Variants in LRFN5 observed in about 807,000 individuals in gnomAD.
LRFN5 encodes the protein leucine rich repeat and fibronectin type III domain containing 5.
LRFN5 carries 24 observed loss-of-function variants against 45.6 expected under a neutral mutation model. The observed-to-expected ratio is 0.53, with a 90% confidence interval of 0.38 to 0.74. LRFN5 has a LOEUF of 0.74. Ranked by LOEUF, LRFN5 falls within the 30% of genes least tolerant of loss-of-function variation. LRFN5 has a pLI of 0.00. For synonymous variants in LRFN5, 340 were observed against 313.8 expected (o/e 1.08, Z -0.88); for missense variants, 776 against 861.5 (o/e 0.90, Z 1.24).
At chr14:41,814,388 T>G (rs990173619) in intron 2 of LRFN5, among the ~76,000 whole-genome samples, 3 of 152,144 alleles carry the variant, frequency 2.0e-5, no homozygotes, top group Middle Eastern at 3.2e-3. Flanking sequence ...AAATACTAAT[T>G]GAACAATAGG....
chr14:41,623,635 A>G lies in LRFN5; in HGVS notation c.-197+15073A>G, dbSNP rs907119781. 3.2e-4 allele frequency among the ~76,000 whole-genome samples: 49 copies of G among 152,120 alleles called. 1 individual carries two copies. Among genetic ancestry groups the G allele is most frequent in the African/African-American group, 7.2e-5 (3 of 41,446 alleles). ...AATATAAACTTTCGGTGACTTTGCTATAAAGCTGTGTGAGAACATTAAAAA... is the reference window on the plus strand; with the variant it reads ...AATATAAACTTTCGGTGACTTTGCTGTAAAGCTGTGTGAGAACATTAAAAA... On this transcript the variant is annotated intron_variant, in intron 1 of 5. Transcript: ENST00000298119.
chr14:41,772,359 G>T (rs905599410), intron 2 of LRFN5, among the ~76,000 whole-genome samples: 1 of 152,020 alleles, frequency 6.6e-6, no homozygotes, highest in Non-Finnish European at 1.5e-5. Context: ...ATATCCTTAG[G>T]TATATACTTC....
intron 1 of LRFN5, among the ~76,000 whole-genome samples, chr14:41,632,806 T>C (rs1000273920): frequency 6.6e-6 from 1 of 152,186 alleles, no homozygotes; most frequent in Non-Finnish European, 1.5e-5. Flanking sequence ...GATTTTTATG[T>C]TTATCTGCAT....
intron 1 of LRFN5, among the ~76,000 whole-genome samples, chr14:41,651,584 T>C (rs1252599552): frequency 2.0e-5 from 3 of 152,192 alleles, no homozygotes; most frequent in Non-Finnish European, 4.4e-5. Flanking sequence ...TGGAAAATGC[T>C]GCTAGAATAA....
chr14:41,612,002 T>C lies in LRFN5; in HGVS notation c.-197+3440T>C, dbSNP rs1272209460. On this transcript the variant is annotated intron_variant, in intron 1 of 5. Coordinates refer to ENST00000298119, the MANE Select transcript of LRFN5 (RefSeq NM_152447.5). ...GTGTTTAAATGATCTTCATATGTTATATCATGTTTTATCACTCTTTCATCT... is the reference window on the plus strand; with the variant it reads ...GTGTTTAAATGATCTTCATATGTTACATCATGTTTTATCACTCTTTCATCT... Among the ~76,000 whole-genome samples, 4 of 152,190 alleles carry C rather than the reference T, an allele frequency of 2.6e-5. No homozygotes were observed. In the East Asian group the frequency reaches 7.7e-4, roughly 29 times the overall value.
At chr14:41,688,087 T>G (rs2138698837) in intron 1 of LRFN5, among the ~76,000 whole-genome samples, 2 of 152,344 alleles carry the variant, frequency 1.3e-5, no homozygotes, top group South Asian at 4.1e-4. Context: ...TTTACATTTC[T>G]TCACTTATTT....
intron 5 of LRFN5, 125 bp from the exon 6 acceptor site, chr14:41,904,033 A>C (rs1435445563): frequency 5.5e-6 from 4 of 724,636 alleles, no homozygotes; most frequent in Admixed American, 2.7e-5. Context: ...ATGGCAAGCA[A>C]CTCCTCCTTG....
At chr14:41,850,847 C>G (rs1427845493) in intron 2 of LRFN5, among the ~76,000 whole-genome samples, 1 of 151,514 alleles carries the variant, frequency 6.6e-6, no homozygotes, top group Non-Finnish European at 1.5e-5. Flanking sequence ...CTTAGCAAAA[C>G]AATTTATAAC....
intron 1 of LRFN5, among the ~76,000 whole-genome samples, chr14:41,645,761 A>G (rs930456732): frequency 7.9e-5 from 12 of 152,098 alleles, no homozygotes; most frequent in Admixed American, 3.3e-4. Flanking sequence ...ATTGATTGCA[A>G]TATTTCTTGT....
chr14:41,749,319 GC>G (rs1385660356), intron 1 of LRFN5, among the ~76,000 whole-genome samples: 1 of 152,136 alleles, frequency 6.6e-6, no homozygotes, highest in Non-Finnish European at 1.5e-5. Context: ...ATTAATGCAT[GC>G]CAGAGGTAGT....
chr14:41,762,814 A>G (rs1412026183), intron 1 of LRFN5, among the ~76,000 whole-genome samples: 1 of 152,120 alleles, frequency 6.6e-6, no homozygotes, highest in African/African-American at 2.4e-5. Context: ...TTATTTATAT[A>G]TTTCAAAACA....
intron 2 of LRFN5, among the ~76,000 whole-genome samples, chr14:41,789,034 T>G (rs1056406507): frequency 6.6e-6 from 1 of 152,044 alleles, no homozygotes; most frequent in African/African-American, 2.4e-5. Flanking sequence ...TAAACTCATT[T>G]ATTGAGTTTA....
chr14:41,736,879 G>A (rs1884460025), intron 1 of LRFN5, among the ~76,000 whole-genome samples: 1 of 151,968 alleles, frequency 6.6e-6, no homozygotes, highest in Non-Finnish European at 1.5e-5. Context: ...ATCCAAAAAA[G>A]CCCAGGACCA....
chr14:41,683,453 G>T (rs1406353957), intron 1 of LRFN5, among the ~76,000 whole-genome samples: 1 of 152,076 alleles, frequency 6.6e-6, no homozygotes, highest in African/African-American at 2.4e-5. Context: ...ACATAGTATG[G>T]GGTGTCCTAT....
At chr14:41,641,412 T>TGGAA (rs1879571355) in intron 1 of LRFN5, among the ~76,000 whole-genome samples, 1 of 152,106 alleles carries the variant, frequency 6.6e-6, no homozygotes, top group Admixed American at 6.6e-5. Flanking sequence ...GCTGGTTGGA[T>TGGAA]GGGAAGACTA....
chr14:41,689,938 T>C (rs982086070), intron 1 of LRFN5, among the ~76,000 whole-genome samples: 2 of 146,480 alleles, frequency 1.4e-5, no homozygotes, highest in African/African-American at 2.5e-5. Context: ...CAAAAAGGGC[T>C]AGGTCCCTAA....
chr14:41,697,102 A>T (rs1355943785), intron 1 of LRFN5, among the ~76,000 whole-genome samples: 3 of 151,940 alleles, frequency 2.0e-5, no homozygotes, highest in Non-Finnish European at 4.4e-5. Flanking sequence ...AAACTTGTTA[A>T]GTATTATTTT....
rs577306764 is a variant in LRFN5, at chr14:41,678,246, A to G, written c.-197+69684A>G. On this transcript the variant is annotated intron_variant, in intron 1 of 5. Transcript: ENST00000298119. ...CACTCTACCTGGAAGATACATGCAT[A>G]CATACATACATACATACATATACAT... Among the ~76,000 whole-genome samples the G allele has an allele frequency of 4.6e-5, 7 of 151,274 alleles. No homozygotes were observed. In the South Asian group the frequency reaches 1.0e-3, roughly 22 times the overall value.
chr14:41,720,167 A>G (rs1597047), intron 1 of LRFN5, among the ~76,000 whole-genome samples: 117,782 of 151,566 alleles, frequency 0.78, 46,377 homozygotes, highest in East Asian at 0.97. Context: ...CCAACTTAAT[A>G]TCCATGAGTA....
Sources: allele counts gnomAD v4.1 joint callset (sites outside exome capture counted in the v4.1 genomes callset), GRCh38; gene constraint gnomAD v4.1.1; transcripts MANE v1.5; gene names NCBI Gene and HGNC (gene_info 2026-07-23, HGNC 2026-07-21).